Variants in PLAAT5 observed in about 807,000 individuals in gnomAD.
PLAAT5 encodes the protein Ca(2+)-independent N-acyltransferase.
In PLAAT5, 27 loss-of-function variants were observed where a neutral mutation model predicts 27.8. That is an observed-to-expected ratio of 0.97 (90% CI 0.72 to 1.34). The LOEUF (loss-of-function observed/expected upper bound fraction) is 1.34, where lower values mean the gene tolerates loss of function less well. PLAAT5 is among the 40% of genes most tolerant of loss of function. The probability of loss-of-function intolerance (pLI) is 0.00; values close to 1 mark genes in which losing one functional copy is unlikely to be tolerated. For synonymous variants in PLAAT5, 125 were observed against 136.1 expected, an observed-to-expected ratio of 0.92 and a Z score of 0.57; for missense variants, 368 against 343.8, an observed-to-expected ratio of 1.07 and a Z score of -0.56.
intron 3 of PLAAT5, among the ~76,000 whole-genome samples, chr11:63,487,596 A>ATTTAATTT (rs752513969): frequency 4.6e-5 from 7 of 152,238 alleles, no homozygotes; most frequent in Non-Finnish European, 8.8e-5. Context: ...ACAGTAAATT[A>ATTTAATTT]AATATACATC....
intron 5 of PLAAT5, among the ~76,000 whole-genome samples, chr11:63,465,209 G>C (rs974695761): frequency 5.9e-5 from 9 of 152,038 alleles, no homozygotes; most frequent in African/African-American, 2.2e-4. Flanking sequence ...AACCCAGGAG[G>C]CGGAGGTTGC....
intron 3 of PLAAT5, among the ~76,000 whole-genome samples, chr11:63,473,057 C>T (rs2016067655): frequency 1.3e-5 from 2 of 151,888 alleles, no homozygotes; most frequent in African/African-American, 4.8e-5. Flanking sequence ...TGGAAGTGAG[C>T]TGAGATCGTG....
At chr11:63,473,622 A>G (rs1334581552) in intron 3 of PLAAT5, among the ~76,000 whole-genome samples, 1 of 150,760 alleles carries the variant, frequency 6.6e-6, no homozygotes, top group Non-Finnish European at 1.5e-5. Context: ...TGAATGGCAG[A>G]TTTTGACAAA....
intron 4 of PLAAT5, among the ~76,000 whole-genome samples, chr11:63,466,737 G>A (rs1286873338): frequency 6.6e-6 from 1 of 152,112 alleles, no homozygotes; most frequent in Non-Finnish European, 1.5e-5. Flanking sequence ...CACTCTCTAT[G>A]TAAGTGTCAG....
At chr11:63,467,392 AG>A (rs1316700823) in intron 4 of PLAAT5, among the ~76,000 whole-genome samples, 1 of 152,160 alleles carries the variant, frequency 6.6e-6, no homozygotes, top group African/African-American at 2.4e-5. Context: ...AGAAGTGGGA[AG>A]GGTATGAGTG....
intron 3 of PLAAT5, among the ~76,000 whole-genome samples, chr11:63,475,653 C>A (rs2016135147): frequency 6.6e-6 from 1 of 151,642 alleles, no homozygotes; most frequent in African/African-American, 2.4e-5. Context: ...ATTTTACTGT[C>A]AATCTTCTGT....
At chr11:63,465,916 G>T (rs2015848628) in intron 5 of PLAAT5, among the ~76,000 whole-genome samples, 194 bp downstream of exon 5, 1 of 152,138 alleles carries the variant, frequency 6.6e-6, no homozygotes, top group African/African-American at 2.4e-5. Flanking sequence ...TTAGCCCAGT[G>T]CCTTTTCTAC....
intron 5 of PLAAT5, among the ~76,000 whole-genome samples, chr11:63,463,867 C>G (rs928614434): frequency 4.7e-4 from 72 of 152,338 alleles, no homozygotes; most frequent in African/African-American, 1.6e-3. Context: ...GGCAAAGGAT[C>G]TCACAGCACC....
chr11:63,488,885 T>G lies in PLAAT5; in HGVS notation c.331A>C (p.Lys111Gln), dbSNP rs1333111319. 2.5e-6 allele frequency: 4 copies of G among 1,612,394 alleles called. No homozygotes were observed. Among genetic ancestry groups the G allele is most frequent in the Non-Finnish European group, 3.4e-6 (4 of 1,178,716 alleles). The change falls in exon 3 of 6, where the codon AAG (lysine) becomes CAG (glutamine). Residue 111 changes from lysine (K) to glutamine (Q), a missense_variant. Lys to Gln is a moderately conservative substitution (Grantham distance 53, BLOSUM62 1). Coordinates refer to ENST00000540857, the MANE Select transcript of PLAAT5 (RefSeq NM_001146729.2). ...GTTACACCTACCTCAGCTGCTTGCT[T>G]TATTAACTTGCCTTCATTCTCAGGC... ...PKPENEGKLIKQAAEGKPRPR... is the reference protein window; with the variant it reads ...PKPENEGKLIQQAAEGKPRPR...
At chr11:63,490,591 T>A in intron 1 of PLAAT5, 1 of 630,048 alleles carries the variant, frequency 1.6e-6, no homozygotes, top group Non-Finnish European at 2.7e-6. Flanking sequence ...GCCTCGCCTC[T>A]ATCCTAAGCC....
intron 3 of PLAAT5, among the ~76,000 whole-genome samples, chr11:63,478,833 A>G (rs2016214697): frequency 6.6e-6 from 1 of 152,210 alleles, no homozygotes; most frequent in Non-Finnish European, 1.5e-5. Flanking sequence ...ACAATATTTC[A>G]TGGAAGGAAC....
intron 3 of PLAAT5, among the ~76,000 whole-genome samples, chr11:63,477,477 T>C (rs2016178286): frequency 1.3e-5 from 2 of 152,134 alleles, no homozygotes; most frequent in African/African-American, 4.8e-5. Flanking sequence ...CTTGTTTTTA[T>C]TTTTATTTAT....
At chr11:63,490,053 G>A (rs1440172768) in intron 2 of PLAAT5, among the ~76,000 whole-genome samples, 190 bp downstream of exon 2, 1 of 152,226 alleles carries the variant, frequency 6.6e-6, no homozygotes, top group African/African-American at 2.4e-5. Flanking sequence ...ACGCATGCCT[G>A]TGGCCAGCAG....
intron 3 of PLAAT5, among the ~76,000 whole-genome samples, chr11:63,479,813 C>G (rs1565213481): frequency 6.6e-6 from 1 of 152,188 alleles, no homozygotes; most frequent in Admixed American, 6.5e-5. Flanking sequence ...GGCGCCAGAG[C>G]TCAAATCAAT....
intron 2 of PLAAT5, among the ~76,000 whole-genome samples, chr11:63,489,479 T>C (rs1335162885): frequency 6.6e-6 from 1 of 152,220 alleles, no homozygotes; most frequent in Non-Finnish European, 1.5e-5. Context: ...AACAAAATGT[T>C]ACAGGAGAGG....
intron 3 of PLAAT5, among the ~76,000 whole-genome samples, chr11:63,480,350 G>A (rs1303143982): frequency 5.9e-5 from 9 of 152,198 alleles, no homozygotes; most frequent in Non-Finnish European, 1.2e-4. Context: ...CAAGGATGTC[G>A]AACAAGCTTT....
At chr11:63,478,929 T>C (rs1165204674) in intron 3 of PLAAT5, among the ~76,000 whole-genome samples, 1 of 152,194 alleles carries the variant, frequency 6.6e-6, no homozygotes, top group Non-Finnish European at 1.5e-5. Flanking sequence ...CCCTTGCCCC[T>C]GCCAACAAAC....
At chr11:63,473,962 G>C (rs2016093368) in intron 3 of PLAAT5, among the ~76,000 whole-genome samples, 1 of 152,054 alleles carries the variant, frequency 6.6e-6, no homozygotes, top group Non-Finnish European at 1.5e-5. Context: ...ACCTCCCAAA[G>C]GGCTAGGATT....
chr11:63,470,089 C>CA (rs111365403), intron 3 of PLAAT5: 25,291 of 139,398 alleles, frequency 0.18, 3,971 homozygotes, highest in African/African-American at 0.44. Context: ...ACTCCCATCT[C>CA]AAAAAAAAAA....
Sources: gnomAD v4.1 joint callset for allele counts (sites outside exome capture counted in the v4.1 genomes callset) on GRCh38, gnomAD v4.1.1 for gene constraint, MANE v1.5 for transcripts, NCBI Gene and HGNC (gene_info 2026-07-23, HGNC 2026-07-21) for gene names.